Variants in GRK5 observed in about 807,000 individuals in gnomAD.
GRK5 encodes G protein-coupled receptor kinase 5.
A neutral mutation model predicts 78.4 loss-of-function variants in GRK5; 40 were observed. That is an observed-to-expected ratio of 0.51 (90% CI 0.40 to 0.66). The LOEUF is 0.66. Ranked by LOEUF, GRK5 falls within the 30% of genes least tolerant of loss-of-function variation. The pLI is 0.00. For synonymous variants in GRK5, 289 were observed against 296.8 expected (o/e 0.97, Z 0.27); for missense variants, 598 against 759.9 (o/e 0.79, Z 2.50).
chr10:119,315,688 T>G (rs981165540), intron 1 of GRK5, among the ~76,000 whole-genome samples: 2 of 152,174 alleles, frequency 1.3e-5, no homozygotes, highest in Admixed American at 1.3e-4. Flanking sequence ...GATGGAGTCT[T>G]TAGTCCTGCA....
At chr10:119,261,972 T>C (rs1443241962) in intron 1 of GRK5, among the ~76,000 whole-genome samples, 3 of 152,108 alleles carry the variant, frequency 2.0e-5, no homozygotes, top group Admixed American at 6.6e-5. Flanking sequence ...ATGGGAAATA[T>C]CAGTATTTGA....
Position 119,455,524 on chromosome 10 carries a change from C to A in GRK5, c.*457C>A. On this transcript the variant is annotated 3_prime_UTR_variant, in exon 16 of 16. Transcript: ENST00000392870. The stretch of plus-strand genomic sequence containing the variant: ...AGCCATGTGTTCCAAGGCATTTTAG[C>A]GGGGAGGGGGTTATCAAAAAAAAAA... 3.7e-6 allele frequency: 1 copy of A among 273,190 alleles called. No homozygotes were observed. The highest frequency in any genetic ancestry group is 3.4e-5 in the South Asian group (1 of 29,710). The allele number at this position is 273,190 out of a possible 1,614,324, so 16.9% of individuals were successfully genotyped here.
Position 119,436,644 on chromosome 10 carries a change from C to T in GRK5, c.739-7C>T, listed in dbSNP as rs776333879. ...ACCTCCCCATGGCACTGTTCTTGTG[C>T]TCCCAGGTCAACCTGGCCTATGCCT... On this transcript the variant is annotated splice_region_variant and splice_polypyrimidine_tract_variant and intron_variant, in intron 8 of 15. Coordinates refer to ENST00000392870, the MANE Select transcript of GRK5 (RefSeq NM_005308.3). 18 of 1,613,948 alleles carry T rather than the reference C, an allele frequency of 1.1e-5. No homozygotes were observed. The highest frequency in any genetic ancestry group is 1.5e-5 in the Non-Finnish European group (18 of 1,179,892).
chr10:119,207,801 C>T lies in GRK5; in HGVS notation c.-117C>T, dbSNP rs1848409913. On this transcript the variant is annotated 5_prime_UTR_variant, in exon 1 of 16. Transcript: ENST00000392870. ...ATAATGCGGTAGGCAAGGCGGGCTGCTGGCTCCCCCGGCTCCGGCAGCAGC... is the reference window on the plus strand; with the variant it reads ...ATAATGCGGTAGGCAAGGCGGGCTGTTGGCTCCCCCGGCTCCGGCAGCAGC... The T allele has an allele frequency of 1.0e-6, 1 of 988,866 alleles. No individual in the cohort carries two copies. Among genetic ancestry groups the T allele is most frequent in the Non-Finnish European group, 1.5e-6 (1 of 681,230 alleles). The allele number at this position is 988,866 out of a possible 1,614,324, so 61.3% of individuals were successfully genotyped here. A position where few individuals can be genotyped will look rare whatever the true frequency, so the allele number is the denominator to read the frequency against.
chr10:119,422,702 G>C (rs1256024763), intron 4 of GRK5, among the ~76,000 whole-genome samples: 7 of 152,254 alleles, frequency 4.6e-5, no homozygotes, highest in African/African-American at 7.2e-5. Context: ...GCATGGCCAA[G>C]GGGCGTCACC....
At chr10:119,326,754 TC>T in intron 2 of GRK5, 143 bp downstream of exon 2, 1 of 661,324 alleles carries the variant, frequency 1.5e-6, no homozygotes, top group Non-Finnish European at 2.7e-6. Flanking sequence ...GTATTGTGCT[TC>T]CAGGTAGGGG....
In GRK5 at chr10:119,272,575, CAA is replaced by C. The variant is rs34489675; in HGVS notation, c.53-53924_53-53923del. Among the ~76,000 whole-genome samples the C allele has an allele frequency of 2.6e-3, 257 of 97,588 alleles. 1 individual carries two copies. The highest frequency in any genetic ancestry group is 0.011 in the East Asian group (39 of 3,542). 64.0% of individuals were successfully genotyped at this position (97,588 alleles called of 152,430 possible). A position where few individuals can be genotyped will look rare whatever the true frequency, so the allele number is the denominator to read the frequency against. On this transcript the variant is annotated intron_variant, in intron 1 of 15. Coordinates refer to ENST00000392870, the MANE Select transcript of GRK5 (RefSeq NM_005308.3). The stretch of plus-strand genomic sequence containing the variant: ...TGGATGACAGAGCAAGATTCTATCT[CAA>C]AAAAAAAAAAAAAAAAGAAAGAAAG...
intron 1 of GRK5, among the ~76,000 whole-genome samples, chr10:119,296,555 C>A (rs1850085771): frequency 6.6e-6 from 1 of 152,108 alleles, no homozygotes; most frequent in South Asian, 2.1e-4. Context: ...GAAAAGGTTT[C>A]TTGGAGGAGG....
In GRK5 at chr10:119,324,794, A is replaced by G. The variant is rs537805190; in HGVS notation, c.53-1722A>G. On this transcript the variant is annotated intron_variant, in intron 1 of 15. Transcript: ENST00000392870. ...TTGTGTGTGTGGCCCCCGTTGGCAG[A>G]AAGAGTGAGCGTGGCATGGGTGATT... is the stretch of plus-strand genomic sequence containing the variant. 9.2e-5 allele frequency among the ~76,000 whole-genome samples: 14 copies of G among 152,382 alleles called. No individual in the cohort carries two copies. In the South Asian group the frequency reaches 2.3e-3, roughly 25 times the overall value.
intron 1 of GRK5, among the ~76,000 whole-genome samples, chr10:119,261,280 C>CTGCAATCTCGGCACTTTGGGAGGCCAAG (rs1178798185): frequency 6.8e-6 from 1 of 147,774 alleles, no homozygotes; most frequent in African/African-American, 2.5e-5. Flanking sequence ...CGGGCAGAGG[C>CTGCAATCTCGGCACTTTGGGAGGCCAAG]GCTCCTCACA....
chr10:119,221,029 G>A (rs770137605), intron 1 of GRK5, among the ~76,000 whole-genome samples: 1 of 151,524 alleles, frequency 6.6e-6, no homozygotes, highest in Middle Eastern at 3.2e-3. Context: ...GATGGCATGC[G>A]CCTGTAGTCC....
chr10:119,333,667 T>C, intron 2 of GRK5: 1 of 448,198 alleles, frequency 2.2e-6, no homozygotes, highest in Admixed American at 2.4e-5. Flanking sequence ...CTCAAAGGGG[T>C]GGACGTTTCT....
rs1177956867 is a variant in GRK5 at position 119,208,452 on chromosome 10, T to C, written c.52+483T>C. On this transcript the variant is annotated intron_variant, in intron 1 of 15. Coordinates refer to ENST00000392870, the MANE Select transcript of GRK5 (RefSeq NM_005308.3). ...TATTGCTGGAAACCATCCGCTGGGA[T>C]GTTTCTTAGGGAAATCCCGTCGTGT... 6.3e-5 allele frequency: 10 copies of C among 159,288 alleles called. No individual in the cohort carries two copies. The Admixed American group carries it at 6.5e-4, about 10-fold the overall frequency. The allele number at this position is 159,288 out of a possible 1,614,324, so 9.9% of individuals were successfully genotyped here. A position where few individuals can be genotyped will look rare whatever the true frequency, so the allele number is the denominator to read the frequency against.
At chr10:119,219,307 G>A (rs1848626614) in intron 1 of GRK5, among the ~76,000 whole-genome samples, 1 of 152,122 alleles carries the variant, frequency 6.6e-6, no homozygotes, top group Non-Finnish European at 1.5e-5. Context: ...TTGGCCTCCT[G>A]GGCTCAAGTG....
At chr10:119,300,853 G>A (rs1443249085) in intron 1 of GRK5, among the ~76,000 whole-genome samples, 1 of 152,184 alleles carries the variant, frequency 6.6e-6, no homozygotes, top group East Asian at 1.9e-4. Context: ...AGCACTTTGG[G>A]AGGCCGAAGG....
At chr10:119,232,722 A>G (rs1278103169) in intron 1 of GRK5, among the ~76,000 whole-genome samples, 1 of 152,198 alleles carries the variant, frequency 6.6e-6, no homozygotes, top group Non-Finnish European at 1.5e-5. Flanking sequence ...GTCTCCCACC[A>G]TGATTATGAG....
intron 2 of GRK5, among the ~76,000 whole-genome samples, chr10:119,330,823 C>G (rs1268382540): frequency 1.3e-5 from 2 of 152,168 alleles, no homozygotes; most frequent in Non-Finnish European, 2.9e-5. Flanking sequence ...GAGTTAGAGA[C>G]CAGCCTGGCC....
intron 2 of GRK5, among the ~76,000 whole-genome samples, chr10:119,374,275 C>T (rs148674871): frequency 1.6e-4 from 25 of 152,318 alleles, no homozygotes; most frequent in African/African-American, 6.0e-4. Flanking sequence ...GTGACTTGTC[C>T]AAGGTTACAC....
At chr10:119,256,353 C>A (rs941125524) in intron 1 of GRK5, among the ~76,000 whole-genome samples, 3 of 152,180 alleles carry the variant, frequency 2.0e-5, no homozygotes, top group African/African-American at 7.2e-5. Context: ...AGTCTGGAGT[C>A]CTGGCTCCGG....
Sources: allele counts gnomAD v4.1 joint callset (sites outside exome capture counted in the v4.1 genomes callset), GRCh38; gene constraint gnomAD v4.1.1; transcripts MANE v1.5; gene names NCBI Gene and HGNC (gene_info 2026-07-23, HGNC 2026-07-21).